The following FGD6 variants were observed in gnomAD, a reference collection of about 807,000 sequenced individuals.
The protein encoded by FGD6 is FYVE, RhoGEF and PH domain containing 6.
FGD6 carries 90 observed loss-of-function variants against 149.4 expected under a neutral mutation model. The ratio of observed to expected loss-of-function variants is 0.60; its 90% CI spans 0.51 to 0.72. The LOEUF is 0.72. FGD6 is among the 30% of genes least tolerant of loss of function. The pLI is 0.00. For synonymous variants in FGD6, 527 were observed against 584.0 expected (o/e 0.90, Z 1.41); for missense variants, 1,437 against 1,684.8 (o/e 0.85, Z 2.57).
intron 8 of FGD6, among the ~76,000 whole-genome samples, chr12:95,122,614 C>A (rs950168951): frequency 8.4e-6 from 1 of 119,620 alleles, no homozygotes; most frequent in South Asian, 2.9e-4. Flanking sequence ...CCATTGCACT[C>A]TAGCCTGGGC....
chr12:95,197,254 C>G (rs1881756407), intron 2 of FGD6, among the ~76,000 whole-genome samples: 1 of 151,982 alleles, frequency 6.6e-6, no homozygotes, highest in African/African-American at 2.4e-5. Context: ...GCCTGGCCAA[C>G]ATGGTGAACT....
rs1879983076 is a variant in FGD6, at chr12:95,145,428, GT to G, written c.2686-3890del. ...ACCTCCCACCCTTTATATTGTTCGG[GT>G]TCTTCATCCTCTACCATTGCCCAGG... On this transcript the variant is annotated intron_variant, in intron 5 of 20. Coordinates refer to ENST00000343958, the MANE Select transcript of FGD6 (RefSeq NM_018351.4). Among the ~76,000 whole-genome samples, 3 of 152,134 alleles carry G rather than the reference GT, an allele frequency of 2.0e-5. No homozygotes were observed. The East Asian group carries it at 5.8e-4, about 29-fold the overall frequency.
intron 18 of FGD6, among the ~76,000 whole-genome samples, chr12:95,086,844 CTT>C (rs35618842): frequency 4.3e-5 from 4 of 92,886 alleles, no homozygotes; most frequent in South Asian, 3.4e-4. Context: ...CCACACCGGC[CTT>C]TTTTTTTTTT....
In FGD6 at chr12:95,077,147, AG is replaced by A. The variant is rs1877519740; in HGVS notation, c.*4372del. On this transcript the variant is annotated 3_prime_UTR_variant, in exon 21 of 21. Transcript: ENST00000343958. ...TGACATTAAAAGTGGCATGAGCCCT[AG>A]AATGATATGTGTATTAGAGGCACTT... 6.6e-6 allele frequency: 1 copy of A among 152,384 alleles called. No homozygotes were observed. The highest frequency in any genetic ancestry group is 2.1e-4 in the South Asian group (1 of 4,832). The allele number at this position is 152,384 out of a possible 1,614,324, so 9.4% of individuals were successfully genotyped here. A position where few individuals can be genotyped will look rare whatever the true frequency, so the allele number is the denominator to read the frequency against.
intron 5 of FGD6, among the ~76,000 whole-genome samples, chr12:95,146,560 T>C (rs1428737600): frequency 6.6e-6 from 1 of 152,138 alleles, no homozygotes; most frequent in Non-Finnish European, 1.5e-5. Flanking sequence ...TGTGAAAATG[T>C]TAGTTAGCTA....
Position 95,192,233 on chromosome 12 carries a change from G to T in FGD6, c.2441+16610C>A, listed in dbSNP as rs541471484. Reference sequence around the variant, plus strand: ...GTGAATCCATGGGTGTGCAACTGATGAATACAAAGAGCAGAATGTACATGT... The same window carrying T: ...GTGAATCCATGGGTGTGCAACTGATTAATACAAAGAGCAGAATGTACATGT... On this transcript the variant is annotated intron_variant, in intron 2 of 20. Coordinates refer to ENST00000343958, the MANE Select transcript of FGD6 (RefSeq NM_018351.4). Among the ~76,000 whole-genome samples, 18 of 152,238 alleles carry T rather than the reference G, an allele frequency of 1.2e-4. No individual in the cohort carries two copies. In the South Asian group the frequency reaches 3.7e-3, roughly 32 times the overall value.
At chr12:95,183,649 G>A (rs952227975) in intron 2 of FGD6, among the ~76,000 whole-genome samples, 2 of 152,142 alleles carry the variant, frequency 1.3e-5, no homozygotes, top group African/African-American at 4.8e-5. Flanking sequence ...GATCAGCCTA[G>A]GCAACACATG....
At chr12:95,147,198 T>C (rs918031161) in intron 5 of FGD6, among the ~76,000 whole-genome samples, 3 of 152,206 alleles carry the variant, frequency 2.0e-5, no homozygotes, top group African/African-American at 7.2e-5. Flanking sequence ...ATGATAAATA[T>C]GCAGAAATGA....
chr12:95,126,083 T>C (rs570818827), intron 8 of FGD6: 2 of 1,168,394 alleles, frequency 1.7e-6, no homozygotes, highest in Non-Finnish European at 2.6e-6. Flanking sequence ...CAGATTCTGA[T>C]CATTTTAAAG....
At chr12:95,102,148 A>C (rs1055507692) in intron 14 of FGD6, among the ~76,000 whole-genome samples, 1 of 151,780 alleles carries the variant, frequency 6.6e-6, no homozygotes, top group Non-Finnish European at 1.5e-5. Flanking sequence ...CTCTATCTTA[A>C]AATTAAAAAA....
At chr12:95,107,759 A>G in intron 11 of FGD6, 128 bp from the exon 12 acceptor site, 2 of 872,704 alleles carry the variant, frequency 2.3e-6, no homozygotes, top group South Asian at 3.1e-5. Flanking sequence ...TTTCCTTGAG[A>G]TTTTTTACAG....
chr12:95,090,587 A>T (rs1442997903), intron 17 of FGD6, among the ~76,000 whole-genome samples: 10 of 152,208 alleles, frequency 6.6e-5, no homozygotes, highest in Non-Finnish European at 1.5e-4. Flanking sequence ...GAATTCAAAG[A>T]CGAATTTTGA....
In FGD6 at chr12:95,134,840, G is replaced by A; in HGVS notation, c.2995-14C>T. 5.6e-6 allele frequency: 9 copies of A among 1,605,050 alleles called. No individual in the cohort carries two copies. The highest frequency in any genetic ancestry group is 1.3e-5 in the African/African-American group (1 of 74,786). ...GCGAGGGCTCATCTGAAAGGAGAAGGCATCTAAATTAACACAGTGTTTTCT... is the reference window on the plus strand; with the variant it reads ...GCGAGGGCTCATCTGAAAGGAGAAGACATCTAAATTAACACAGTGTTTTCT... On this transcript the variant is annotated splice_polypyrimidine_tract_variant and intron_variant, in intron 7 of 20. Coordinates refer to ENST00000343958, the MANE Select transcript of FGD6 (RefSeq NM_018351.4).
intron 2 of FGD6, among the ~76,000 whole-genome samples, chr12:95,202,323 G>T (rs1592875420): frequency 6.6e-6 from 1 of 151,680 alleles, no homozygotes; most frequent in East Asian, 1.9e-4. Flanking sequence ...GGAGGTGGAG[G>T]TTGCAATAAG....
At chr12:95,116,922 T>A in intron 8 of FGD6, 1 of 455,960 alleles carries the variant, frequency 2.2e-6, no homozygotes, top group Non-Finnish European at 4.4e-6. Context: ...ATGTGACTGA[T>A]CACCCTGAGT....
chr12:95,089,266 C>T (rs1877973228), intron 18 of FGD6, among the ~76,000 whole-genome samples: 1 of 152,216 alleles, frequency 6.6e-6, no homozygotes, highest in Non-Finnish European at 1.5e-5. Context: ...GACTTCTTCC[C>T]TCTGGCAAGG....
chr12:95,172,742 G>C lies in FGD6; in HGVS notation c.2444C>G (p.Ser815Ter), dbSNP rs774885571. ...ATTCTGTTCCTCCTGGGATGCTCCTGAACTGCATTCAACAGAAAGCAGGTA... is the reference window on the plus strand; with the variant it reads ...ATTCTGTTCCTCCTGGGATGCTCCTCAACTGCATTCAACAGAAAGCAGGTA... Reference protein sequence around the residue: ...QLGPRHQHSSSGASQEEQNDL... With the variant: ...QLGPRHQHSS Residue 815 changes from serine (S) to a stop codon, truncating the protein, a stop_gained and splice_region_variant, in exon 3 of 21, where the codon TCA becomes TGA. Transcript: ENST00000343958. LOFTEE classifies it high-confidence loss of function. The C allele has an allele frequency of 6.3e-7, 1 of 1,590,496 alleles. No individual in the cohort carries two copies. The highest frequency in any genetic ancestry group is 2.3e-5 in the East Asian group (1 of 44,426).
intron 3 of FGD6, among the ~76,000 whole-genome samples, chr12:95,163,367 T>A (rs567637198): frequency 6.6e-6 from 1 of 152,172 alleles, no homozygotes; most frequent in African/African-American, 2.4e-5. Context: ...TTTTTTATGA[T>A]GGCTCCCTTG....
intron 5 of FGD6, among the ~76,000 whole-genome samples, chr12:95,152,212 G>A (rs779502485): frequency 2.0e-5 from 3 of 152,108 alleles, no homozygotes; most frequent in Non-Finnish European, 2.9e-5. Flanking sequence ...TGTAGTCCCA[G>A]CTGCTCAGGA....
Sources: allele counts gnomAD v4.1 joint callset (sites outside exome capture counted in the v4.1 genomes callset), GRCh38; gene constraint gnomAD v4.1.1; transcripts MANE v1.5; gene names NCBI Gene and HGNC (gene_info 2026-07-23, HGNC 2026-07-21).